The following SMOC2 variants were observed in gnomAD, a reference collection of about 807,000 sequenced individuals.
The protein encoded by SMOC2 is SPARC related modular calcium binding 2.
In SMOC2, 39 loss-of-function variants were observed where a neutral mutation model predicts 61.4. That is an observed-to-expected ratio of 0.64 (90% confidence interval 0.49 to 0.83). The LOEUF (loss-of-function observed/expected upper bound fraction) is 0.83, where lower values mean the gene tolerates loss of function less well. Among genes scored for constraint, SMOC2 ranks in the 40% least tolerant of loss-of-function variants. SMOC2 has a pLI of 0.00. For missense variants in SMOC2, 556 were observed against 592.9 expected (o/e 0.94, Z 0.65); for synonymous variants, 247 against 239.9 (o/e 1.03, Z -0.27).
At chr6:168,622,861 C>T (rs1786280177) in intron 9 of SMOC2, among the ~76,000 whole-genome samples, 1 of 152,192 alleles carries the variant, frequency 6.6e-6, no homozygotes, top group African/African-American at 2.4e-5. Context: ...CAAGGCCACT[C>T]TCGGAGACCG....
chr6:168,511,454 A>C (rs574682635), intron 2 of SMOC2, among the ~76,000 whole-genome samples: 1 of 152,308 alleles, frequency 6.6e-6, no homozygotes, highest in Non-Finnish European at 1.5e-5. Flanking sequence ...TGATGAGAAT[A>C]ACATAAGAGA....
chr6:168,614,302 C>T (rs866788399), intron 9 of SMOC2, among the ~76,000 whole-genome samples: 1 of 65,710 alleles, frequency 1.5e-5, no homozygotes, highest in African/African-American at 6.5e-5. Context: ...CCTCTTCACA[C>T]CTACAGCCAG....
At chr6:168,461,410 T>G (rs1476650591) in intron 1 of SMOC2, among the ~76,000 whole-genome samples, 9 of 152,188 alleles carry the variant, frequency 5.9e-5, no homozygotes. Flanking sequence ...TTGGGTACAC[T>G]CTGAATTGCA....
chr6:168,649,772 T>C (rs2115272049), intron 9 of SMOC2, among the ~76,000 whole-genome samples: 1 of 152,314 alleles, frequency 6.6e-6, no homozygotes, highest in East Asian at 1.9e-4. Context: ...GCTGAGCTGC[T>C]TCTCTATGCC....
intron 8 of SMOC2, among the ~76,000 whole-genome samples, chr6:168,601,291 G>GCC (rs1187445179): frequency 5.9e-5 from 9 of 152,176 alleles, no homozygotes; most frequent in Non-Finnish European, 1.2e-4. Flanking sequence ...CGTGAGTGCT[G>GCC]CCCCTTCCTG....
chr6:168,558,936 TGCGTGTGC>T (rs1269898427), intron 7 of SMOC2, among the ~76,000 whole-genome samples: 2 of 151,964 alleles, frequency 1.3e-5, no homozygotes, highest in East Asian at 3.9e-4. Context: ...CGCACGTGTG[TGCGTGTGC>T]ATGCGTGTGC....
In SMOC2 at chr6:168,650,756, C is replaced by T. The variant is rs2115273410; in HGVS notation, c.983C>T (p.Ala328Val). ...CTGTCCACGGACATGGTCCACGCCG[C>T]CTCCGACCCCTCCTCCTCGTCAGGC... ...DALSTDMVHA[A>V]SDPSSSSGRL... Residue 328 changes from alanine to valine, a missense_variant, in exon 10 of 13, where the codon GCC (alanine) becomes GTC (valine). By Grantham distance (64) the Ala-to-Val change is moderately conservative (BLOSUM62 0). Coordinates refer to ENST00000356284, the MANE Select transcript of SMOC2 (RefSeq NM_001166412.2). The T allele has an allele frequency of 1.2e-6, 2 of 1,612,518 alleles. No individual in the cohort carries two copies. The highest frequency in any genetic ancestry group is 2.2e-5 in the East Asian group (1 of 44,878).
chr6:168,505,871 G>A (rs190916568), intron 1 of SMOC2, among the ~76,000 whole-genome samples: 3 of 152,112 alleles, frequency 2.0e-5, no homozygotes, highest in African/African-American at 4.8e-5. Context: ...GGCTCTTCAC[G>A]CACTGGGCCT....
intron 5 of SMOC2, among the ~76,000 whole-genome samples, chr6:168,545,205 T>C (rs1783963131): frequency 6.6e-6 from 1 of 152,064 alleles, no homozygotes; most frequent in Non-Finnish European, 1.5e-5. Context: ...GATCATCGTC[T>C]TTCAGAGGGC....
intron 7 of SMOC2, among the ~76,000 whole-genome samples, chr6:168,585,931 C>T (rs894980069): frequency 1.1e-4 from 17 of 152,302 alleles, no homozygotes; most frequent in African/African-American, 3.8e-4. Context: ...GATCTCTTCT[C>T]CCAGTCTGTG....
In SMOC2 at chr6:168,535,487, G is replaced by A. The variant is rs1039436309; in HGVS notation, c.463+7760G>A. The stretch of plus-strand genomic sequence containing the variant: ...CATTTTTCTCCTGCCATTGAATCAG[G>A]GTCTCAAATCAGAAATCAGTAAATT... On this transcript the variant is annotated intron_variant, in intron 4 of 12. Transcript: ENST00000356284. This position sits in a 1 kb window ranked among gnomAD's most constrained non-coding sequence, Gnocchi z 4.6. Among the ~76,000 whole-genome samples, 6 of 152,000 alleles carry A rather than the reference G, an allele frequency of 3.9e-5. No individual in the cohort carries two copies. The highest frequency in any genetic ancestry group is 3.9e-4 in the Admixed American group (6 of 15,252).
At chr6:168,479,616 C>T (rs757075028) in intron 1 of SMOC2, among the ~76,000 whole-genome samples, 2 of 152,336 alleles carry the variant, frequency 1.3e-5, no homozygotes, top group Middle Eastern at 3.4e-3. Flanking sequence ...TACCCACTCT[C>T]CACCCCAACC....
chr6:168,530,519 GA>G (rs1289743626), intron 4 of SMOC2, among the ~76,000 whole-genome samples: 5 of 152,040 alleles, frequency 3.3e-5, no homozygotes, highest in African/African-American at 1.2e-4. Context: ...GTAAAGGCAG[GA>G]AAAGGTGCCT....
At chr6:168,497,981 C>T (rs1005996363) in intron 1 of SMOC2, among the ~76,000 whole-genome samples, 1 of 152,112 alleles carries the variant, frequency 6.6e-6, no homozygotes, top group African/African-American at 2.4e-5. Context: ...GCCATTTTGT[C>T]GTACTTTTAA....
chr6:168,527,705 C>G lies in SMOC2; in HGVS notation c.441C>G (p.Ala147=). 1 of 1,551,502 alleles carries G rather than the reference C, an allele frequency of 6.4e-7. No individual in the cohort carries two copies. Among genetic ancestry groups the G allele is most frequent in the East Asian group, 2.4e-5 (1 of 41,006 alleles). The change falls in exon 4 of 13, where the codon GCC becomes GCG. Residue 147 remains alanine (A), a synonymous_variant. Coordinates refer to ENST00000356284, the MANE Select transcript of SMOC2 (RefSeq NM_001166412.2). ...GGCCCATCAGCGGCACTGCCGTGGC[C>G]CACAAGACGCCCCGGTGCCCGGGTA... ...NGRPISGTAV[A]HKTPRCPGSV... is the part of the protein sequence containing the mutation.
At chr6:168,595,288 G>T (rs1007080654) in intron 7 of SMOC2, among the ~76,000 whole-genome samples, 3 of 147,994 alleles carry the variant, frequency 2.0e-5, no homozygotes, top group Non-Finnish European at 3.0e-5. Context: ...CTCCTCCTTG[G>T]GTTCCTTCCT....
chr6:168,537,625 C>T (rs1368895351), intron 4 of SMOC2, among the ~76,000 whole-genome samples: 1 of 152,248 alleles, frequency 6.6e-6, no homozygotes, highest in African/African-American at 2.4e-5. Context: ...CCCAGGAGGC[C>T]GAGTGGCTGG....
intron 7 of SMOC2, among the ~76,000 whole-genome samples, chr6:168,570,083 T>C (rs1032454986): frequency 2.0e-4 from 30 of 151,138 alleles, no homozygotes; most frequent in African/African-American, 6.8e-4. Flanking sequence ...TGTCCCGTCG[T>C]CCTGGCATCA....
At chr6:168,449,959 C>A (rs943690291) in intron 1 of SMOC2, among the ~76,000 whole-genome samples, 11 of 152,192 alleles carry the variant, frequency 7.2e-5, no homozygotes, top group African/African-American at 2.7e-4. Context: ...CAGGACTGTG[C>A]CCTGTGGTCC....
Sources: allele counts gnomAD v4.1 joint callset (sites outside exome capture counted in the v4.1 genomes callset), GRCh38; gene constraint gnomAD v4.1.1; non-coding constraint Gnocchi (gnomAD v3.1); transcripts MANE v1.5; gene names NCBI Gene and HGNC (gene_info 2026-07-23, HGNC 2026-07-21).